Variants in TMEM117 observed in about 807,000 individuals in gnomAD.
TMEM117 encodes transmembrane protein 117.
In TMEM117, 27 loss-of-function variants were observed where a neutral mutation model predicts 52.4. The ratio of observed to expected loss-of-function variants is 0.51; its 90% CI spans 0.38 to 0.71. The LOEUF (loss-of-function observed/expected upper bound fraction) is 0.71. Ranked by LOEUF, TMEM117 falls within the 30% of genes least tolerant of loss-of-function variation. The pLI, the probability that TMEM117 is intolerant of heterozygous loss-of-function variation, is 0.00. For missense variants in TMEM117, 556 were observed against 630.5 expected (o/e 0.88, Z 1.26); for synonymous variants, 215 against 206.3 (o/e 1.04, Z -0.36).
At chr12:44,117,922 G>A (rs934966865) in intron 3 of TMEM117, among the ~76,000 whole-genome samples, 5 of 151,650 alleles carry the variant, frequency 3.3e-5, no homozygotes, top group Admixed American at 6.6e-5. Flanking sequence ...CAATTGTTTT[G>A]TTTGTAAATA....
chr12:44,222,910 T>G (rs1056478775), intron 5 of TMEM117, among the ~76,000 whole-genome samples: 2 of 152,180 alleles, frequency 1.3e-5, no homozygotes, highest in African/African-American at 4.8e-5. Context: ...CTACATTCTC[T>G]AAATCACATG....
chr12:43,896,234 C>T (rs145407871), intron 2 of TMEM117, among the ~76,000 whole-genome samples: 8 of 152,320 alleles, frequency 5.3e-5, no homozygotes, highest in South Asian at 4.1e-4. Context: ...TATAAAGGTT[C>T]GTGGGAAATA....
chr12:44,202,373 T>C (rs1296631758), intron 4 of TMEM117, among the ~76,000 whole-genome samples: 2 of 151,038 alleles, frequency 1.3e-5, no homozygotes, highest in Non-Finnish European at 1.5e-5. Context: ...TCAAAAGCCA[T>C]TTCTGCATCT....
intron 3 of TMEM117, among the ~76,000 whole-genome samples, chr12:43,999,348 AAGTGCTATGTTTCTTCTGACTG>A: frequency 6.6e-6 from 1 of 152,246 alleles, no homozygotes; most frequent in African/African-American, 2.4e-5. Context: ...CCATGAGGCT[AAGTGCTATGTTTCTTCTGACTG>A]AGCTATTACA....
intron 4 of TMEM117, among the ~76,000 whole-genome samples, chr12:44,203,358 A>C (rs1188859790): frequency 6.6e-6 from 1 of 151,988 alleles, no homozygotes; most frequent in Admixed American, 6.6e-5. Flanking sequence ...TTTTAACTTA[A>C]TCTGGGTAGC....
intron 5 of TMEM117, among the ~76,000 whole-genome samples, chr12:44,260,323 G>A (rs940559285): frequency 6.6e-6 from 1 of 152,094 alleles, no homozygotes; most frequent in Non-Finnish European, 1.5e-5. Flanking sequence ...CTGGCTAAGT[G>A]GAGTCTAAAC....
intron 2 of TMEM117, among the ~76,000 whole-genome samples, chr12:43,852,958 G>T (rs1242687418): frequency 6.6e-6 from 1 of 152,194 alleles, no homozygotes; most frequent in African/African-American, 2.4e-5. Flanking sequence ...GTATTACTTA[G>T]CTGAAACTGG....
chr12:43,889,761 T>G (rs1944068704), intron 2 of TMEM117, among the ~76,000 whole-genome samples: 1 of 152,252 alleles, frequency 6.6e-6, no homozygotes, highest in Non-Finnish European at 1.5e-5. Context: ...ATAGATTTTG[T>G]TTATATTTAA....
In TMEM117 at chr12:43,980,565, T is replaced by C. The variant is rs571061022; in HGVS notation, c.410+36223T>C. On this transcript the variant is annotated intron_variant, in intron 3 of 7. Coordinates refer to ENST00000266534, the MANE Select transcript of TMEM117 (RefSeq NM_032256.3). ...TCCCATGATGAAACCCTAGCCTGAA[T>C]AATTCCCTTAAACTTGGAAATCCCG... Among the ~76,000 whole-genome samples the C allele has an allele frequency of 6.6e-5, 10 of 152,310 alleles. 1 individual carries two copies. In the South Asian group the frequency reaches 2.1e-3, roughly 32 times the overall value.
At chr12:44,148,656 T>C (rs117185605) in intron 4 of TMEM117, among the ~76,000 whole-genome samples, 2,209 of 152,224 alleles carry the variant, frequency 0.015, 25 homozygotes, top group Non-Finnish European at 0.022. Context: ...AGACTGTTCA[T>C]ACTAGTTAAG....
At chr12:44,141,100 T>C (rs1234645559) in intron 3 of TMEM117, among the ~76,000 whole-genome samples, 1 of 152,148 alleles carries the variant, frequency 6.6e-6, no homozygotes, top group African/African-American at 2.4e-5. Flanking sequence ...ATTTTAATTT[T>C]TTGATTATTT....
chr12:44,111,751 C>T (rs1021096248), intron 3 of TMEM117, among the ~76,000 whole-genome samples: 2,164 of 142,346 alleles, frequency 0.015, 168 homozygotes, highest in African/African-American at 0.059. Flanking sequence ...AGTTCAATTC[C>T]TGGGTATCCT....
At chr12:44,335,710 T>A (rs1454406707) in intron 6 of TMEM117, among the ~76,000 whole-genome samples, 1 of 152,088 alleles carries the variant, frequency 6.6e-6, no homozygotes, top group Non-Finnish European at 1.5e-5. Context: ...AGCTTTTCAC[T>A]TTTTTGTTAA....
intron 2 of TMEM117, among the ~76,000 whole-genome samples, chr12:43,860,735 A>T (rs1166601884): frequency 6.6e-6 from 1 of 152,188 alleles, no homozygotes; most frequent in Non-Finnish European, 1.5e-5. Context: ...GGGAGGTGGG[A>T]CAGCCGGTCA....
chr12:43,992,181 A>C (rs1176508242), intron 3 of TMEM117, among the ~76,000 whole-genome samples: 1 of 152,172 alleles, frequency 6.6e-6, no homozygotes, highest in Non-Finnish European at 1.5e-5. Flanking sequence ...TCCAAAAAAA[A>C]AAGGCAAGTC....
chr12:44,016,567 A>G (rs1026530506), intron 3 of TMEM117, among the ~76,000 whole-genome samples: 37 of 152,304 alleles, frequency 2.4e-4, no homozygotes, highest in African/African-American at 7.9e-4. Flanking sequence ...CTACATTTCA[A>G]TCAATGAGTG....
chr12:44,255,685 A>G (rs370064070), intron 5 of TMEM117, among the ~76,000 whole-genome samples: 2 of 152,246 alleles, frequency 1.3e-5, no homozygotes, highest in East Asian at 3.9e-4. Flanking sequence ...AGACACATGC[A>G]TACACATATA....
intron 5 of TMEM117, among the ~76,000 whole-genome samples, chr12:44,216,508 A>G (rs1330426326): frequency 1.3e-5 from 2 of 152,188 alleles, no homozygotes; most frequent in African/African-American, 2.4e-5. Context: ...TGTTTACAAA[A>G]AGTCATCCCT....
chr12:43,907,255 G>A (rs1370709311), intron 2 of TMEM117, among the ~76,000 whole-genome samples: 2 of 151,900 alleles, frequency 1.3e-5, no homozygotes, highest in South Asian at 2.1e-4. Flanking sequence ...TCACACGGCC[G>A]GGTACTCCAA....
Sources: allele counts gnomAD v4.1 joint callset (sites outside exome capture counted in the v4.1 genomes callset), GRCh38; gene constraint gnomAD v4.1.1; transcripts MANE v1.5; gene names NCBI Gene and HGNC (gene_info 2026-07-23, HGNC 2026-07-21).